LDB2: variants seen among roughly 807,000 people sequenced by gnomAD.
LDB2 encodes LIM domain-binding protein 2.
Under a neutral mutation model 44.3 loss-of-function variants are expected in LDB2, and 12 were observed. The observed-to-expected ratio is 0.27, with a 90% confidence interval of 0.17 to 0.44. The LOEUF (loss-of-function observed/expected upper bound fraction) is 0.44, where lower values mean the gene tolerates loss of function less well. Among genes scored for constraint, LDB2 ranks in the 20% least tolerant of loss-of-function variants. The pLI is 1.00. For missense variants in LDB2, 344 were observed against 473.5 expected (o/e 0.73, Z 2.54); for synonymous variants, 164 against 174.8 (o/e 0.94, Z 0.49).
intron 1 of LDB2, among the ~76,000 whole-genome samples, chr4:16,761,219 T>C (rs1295364814): frequency 1.3e-5 from 2 of 152,180 alleles, no homozygotes; most frequent in Non-Finnish European, 2.9e-5. Context: ...CTTGCTCCAG[T>C]ACACTCAGCA....
chr4:16,837,661 T>A (rs373272288), intron 1 of LDB2, among the ~76,000 whole-genome samples: 7 of 152,344 alleles, frequency 4.6e-5, no homozygotes, highest in African/African-American at 1.7e-4. Context: ...GCCAAACATG[T>A]GCATAAGGCC....
intron 1 of LDB2, among the ~76,000 whole-genome samples, chr4:16,821,383 T>TG (rs71181189): frequency 2.7e-5 from 3 of 112,252 alleles, no homozygotes; most frequent in African/African-American, 5.7e-5. Flanking sequence ...TGAATTTTTT[T>TG]TTTATTTTTT....
rs1322163033 is a variant in LDB2, at chr4:16,898,449, GAGA to G, written c.34_36del (p.Ser12del). The G allele has an allele frequency of 4.3e-6, 7 of 1,613,780 alleles. No individual in the cohort carries two copies. The highest frequency in any genetic ancestry group is 4.2e-6 in the Non-Finnish European group (5 of 1,179,980). On this transcript the variant is annotated inframe_deletion, in exon 1 of 8. Coordinates refer to ENST00000304523, the MANE Select transcript of LDB2 (RefSeq NM_001290.5). ...TGCCTCCTATAAAATGGGCCGAAAG[GAGA>G]AGAATAGAAGGGGTCATGTGGTGTG... is the stretch of plus-strand genomic sequence containing the variant.
intron 2 of LDB2, among the ~76,000 whole-genome samples, chr4:16,632,792 T>TG (rs1279095642): frequency 6.6e-6 from 1 of 152,082 alleles, no homozygotes; most frequent in Non-Finnish European, 1.5e-5. Context: ...AAACAACAGG[T>TG]GCTGGAGAGG....
intron 1 of LDB2, among the ~76,000 whole-genome samples, chr4:16,824,470 T>C (rs1398188799): frequency 6.6e-6 from 1 of 152,246 alleles, no homozygotes; most frequent in African/African-American, 2.4e-5. Flanking sequence ...TGCCACATAT[T>C]CAGTAGTACT....
intron 5 of LDB2, among the ~76,000 whole-genome samples, chr4:16,512,590 C>T (rs1042126963): frequency 2.0e-5 from 3 of 152,188 alleles, no homozygotes; most frequent in Non-Finnish European, 4.4e-5. Flanking sequence ...GTAGTGAAAT[C>T]CATCTTTTAA....
intron 2 of LDB2, among the ~76,000 whole-genome samples, chr4:16,635,682 A>AT (rs1011891497): frequency 2.6e-5 from 4 of 151,844 alleles, no homozygotes; most frequent in Non-Finnish European, 5.9e-5. Flanking sequence ...AAAGAAAAAA[A>AT]AATAATAAAA....
intron 5 of LDB2, among the ~76,000 whole-genome samples, chr4:16,540,478 C>T (rs1282307449): frequency 2.0e-5 from 3 of 152,166 alleles, no homozygotes; most frequent in African/African-American, 7.2e-5. Flanking sequence ...AAAAGGTTGG[C>T]ATTTTTTCTA....
chr4:16,829,960 C>T (rs1429276372), intron 1 of LDB2, among the ~76,000 whole-genome samples: 1 of 152,082 alleles, frequency 6.6e-6, no homozygotes, highest in African/African-American at 2.4e-5. Context: ...CAAAAATTAG[C>T]TGGGCGTGGT....
At chr4:16,866,912 G>A (rs932793438) in intron 1 of LDB2, among the ~76,000 whole-genome samples, 8 of 152,200 alleles carry the variant, frequency 5.3e-5, no homozygotes, top group African/African-American at 1.9e-4. Flanking sequence ...ACAAGGTGGT[G>A]TAGATATTCC....
intron 5 of LDB2, among the ~76,000 whole-genome samples, chr4:16,522,269 T>TGTTTGTGTGTGC (rs1726415351): frequency 1.1e-5 from 1 of 90,310 alleles, no homozygotes; most frequent in African/African-American, 3.7e-5. Flanking sequence ...CCGCCGTGTG[T>TGTTTGTGTGTGC]GTGTGTTTGT....
intron 5 of LDB2, 123 bp from the exon 6 acceptor site, chr4:16,512,227 T>A: frequency 1.1e-6 from 1 of 943,028 alleles, no homozygotes; most frequent in Non-Finnish European, 1.5e-6. Flanking sequence ...GGTTTTGATT[T>A]TCTTTATATA....
chr4:16,764,545 T>A (rs995495041), intron 1 of LDB2, among the ~76,000 whole-genome samples: 2 of 151,490 alleles, frequency 1.3e-5, no homozygotes, highest in Non-Finnish European at 2.9e-5. Flanking sequence ...AAAAAATCAT[T>A]CCCTCCATTT....
At chr4:16,790,151 C>T (rs144427786) in intron 1 of LDB2, among the ~76,000 whole-genome samples, 1 of 152,256 alleles carries the variant, frequency 6.6e-6, no homozygotes, top group Non-Finnish European at 1.5e-5. Flanking sequence ...ACACTGAGTG[C>T]TTATAGGAAG....
At chr4:16,508,193 C>A (rs923434319) in intron 7 of LDB2, among the ~76,000 whole-genome samples, 3 of 152,180 alleles carry the variant, frequency 2.0e-5, no homozygotes, top group Admixed American at 6.5e-5. Flanking sequence ...AATGATGGTG[C>A]TGAGAGGCCT....
At chr4:16,630,202 C>A (rs1359734787) in intron 2 of LDB2, among the ~76,000 whole-genome samples, 4 of 152,176 alleles carry the variant, frequency 2.6e-5, no homozygotes, top group Non-Finnish European at 4.4e-5. Flanking sequence ...GGTCGAGTTA[C>A]CCATAAAGAG....
intron 2 of LDB2, among the ~76,000 whole-genome samples, chr4:16,598,065 C>T (rs767435270): frequency 5.3e-5 from 8 of 152,104 alleles, no homozygotes; most frequent in Non-Finnish European, 8.8e-5. Context: ...GGTTCATTAT[C>T]CACCATAGCA....
intron 1 of LDB2, among the ~76,000 whole-genome samples, chr4:16,814,019 C>T (rs1428591481): frequency 6.6e-6 from 1 of 151,910 alleles, no homozygotes; most frequent in Admixed American, 6.6e-5. Flanking sequence ...CTACAGGCGC[C>T]CACCACCACG....
At position 16,894,863 on chromosome 4, in the gene LDB2, C is replaced by T. The variant is rs373880286; in HGVS notation, c.132+3491G>A. Among the ~76,000 whole-genome samples, 172 of 152,132 alleles carry T rather than the reference C, an allele frequency of 1.1e-3. 1 individual carries two copies. The highest frequency in any genetic ancestry group is 3.9e-3 in the South Asian group (19 of 4,818). On this transcript the variant is annotated intron_variant, in intron 1 of 7. Coordinates refer to ENST00000304523, the MANE Select transcript of LDB2 (RefSeq NM_001290.5). ...CTTGCTTTAAGTGCTAGCTTTAAAA[C>T]CAAACTGGACCTTCAAGTTTTCTTC...
Sources: allele counts gnomAD v4.1 joint callset (sites outside exome capture counted in the v4.1 genomes callset), GRCh38; gene constraint gnomAD v4.1.1; transcripts MANE v1.5; gene names NCBI Gene and HGNC (gene_info 2026-07-23, HGNC 2026-07-21).